Variants in ANTXR1 observed in about 807,000 individuals in gnomAD.
ANTXR1 encodes the protein ANTXR cell adhesion molecule 1.
In ANTXR1, 19 loss-of-function variants were observed where a neutral mutation model predicts 78.1. The ratio of observed to expected loss-of-function variants is 0.24; its 90% CI spans 0.17 to 0.36. The LOEUF is 0.36. ANTXR1 is among the 10% of genes least tolerant of loss of function. The probability of loss-of-function intolerance (pLI) is 1.00; values close to 1 mark genes in which losing one functional copy is unlikely to be tolerated. For missense variants in ANTXR1, 518 were observed against 718.6 expected, an observed-to-expected ratio of 0.72 and a Z score of 3.19; for synonymous variants, 273 against 260.5, an observed-to-expected ratio of 1.05 and a Z score of -0.46.
chr2:69,070,600 A>G, intron 3 of ANTXR1, 47 bp from the exon 4 acceptor site: 1 of 1,579,642 alleles, frequency 6.3e-7, no homozygotes, highest in Non-Finnish European at 8.7e-7. Flanking sequence ...ACAACAGCAA[A>G]GTAAAAAATA....
chr2:69,216,081 G>A (rs1675166612), intron 17 of ANTXR1, among the ~76,000 whole-genome samples: 1 of 152,224 alleles, frequency 6.6e-6, no homozygotes, highest in Non-Finnish European at 1.5e-5. Context: ...GGGAGACCGT[G>A]TGTGCCAGGA....
chr2:69,037,899 G>A (rs151264310), intron 1 of ANTXR1, among the ~76,000 whole-genome samples: 2,806 of 152,124 alleles, frequency 0.018, 29 homozygotes, highest in Middle Eastern at 0.048. Flanking sequence ...ACCCTGGCAC[G>A]CTCCTTCCAG....
chr2:69,172,542 A>G, intron 14 of ANTXR1: 1 of 1,396,812 alleles, frequency 7.2e-7, no homozygotes, highest in South Asian at 1.8e-5. Flanking sequence ...TTCAATAAAT[A>G]GCTATATGAA....
chr2:69,013,165 A>C, upstream of ANTXR1: 1 of 157,578 alleles, frequency 6.3e-6, no homozygotes, highest in Non-Finnish European at 1.3e-5. This position sits in a 1 kb window ranked among gnomAD's most constrained non-coding sequence, Gnocchi z 5.0. Flanking sequence ...AATCTGGGAC[A>C]AAGAACCGTC....
intron 8 of ANTXR1, among the ~76,000 whole-genome samples, chr2:69,089,459 G>A (rs1422045699): frequency 6.6e-6 from 1 of 152,058 alleles, no homozygotes; most frequent in Non-Finnish European, 1.5e-5. Flanking sequence ...TGTCCTTTTC[G>A]TTTGCTACTA....
At chr2:69,058,792 G>A (rs921679821) in intron 3 of ANTXR1, among the ~76,000 whole-genome samples, 1 of 152,212 alleles carries the variant, frequency 6.6e-6, no homozygotes, top group African/African-American at 2.4e-5. Flanking sequence ...CTTTGGGAAA[G>A]GATTCACCAT....
intron 17 of ANTXR1, among the ~76,000 whole-genome samples, chr2:69,213,453 T>C (rs563670672): frequency 2.6e-4 from 39 of 152,332 alleles, no homozygotes; most frequent in African/African-American, 9.4e-4. Flanking sequence ...AAAGCTATTT[T>C]CCTAAAGGGA....
intron 17 of ANTXR1, among the ~76,000 whole-genome samples, chr2:69,209,480 C>T (rs1674987024): frequency 6.6e-6 from 1 of 152,198 alleles, no homozygotes. Flanking sequence ...GTGCTAAACA[C>T]TAGTAAACAA....
At chr2:69,043,565 G>C (rs375988662) in intron 2 of ANTXR1, among the ~76,000 whole-genome samples, 2 of 152,102 alleles carry the variant, frequency 1.3e-5, no homozygotes, top group African/African-American at 4.8e-5. Flanking sequence ...AATTCACCAG[G>C]TATTGCCTGA....
In ANTXR1 at chr2:69,245,283, A is replaced by G. The variant is rs144831514; in HGVS notation, c.1493A>G (p.Asn498Ser). 9 of 1,613,290 alleles carry G rather than the reference A, an allele frequency of 5.6e-6. No individual in the cohort carries two copies. In the African/African-American group the frequency reaches 1.2e-4, roughly 22 times the overall value. ...AACCAGCCAGCCAAGTACCCACTCA[A>G]CAACGCCTACCACACCTCCTCGCCG... ...KNNQPAKYPL[N>S]NAYHTSSPPP... Residue 498 changes from asparagine (N) to serine (S), a missense_variant, in exon 18 of 18, where the codon AAC (asparagine) becomes AGC (serine). This residue lies in a region of ANTXR1 where 192 missense variants were observed against 230.2 expected (regional missense o/e 0.83). Transcript: ENST00000303714.
chr2:69,241,241 A>G (rs1675887234), intron 17 of ANTXR1, among the ~76,000 whole-genome samples: 1 of 152,188 alleles, frequency 6.6e-6, no homozygotes, highest in Non-Finnish European at 1.5e-5. Flanking sequence ...ACTGGTGCAG[A>G]TTTGCTGGCC....
At chr2:69,183,583 T>G (rs1270518207) in intron 16 of ANTXR1, among the ~76,000 whole-genome samples, 16 of 139,734 alleles carry the variant, frequency 1.1e-4, no homozygotes, top group Admixed American at 2.8e-4. Flanking sequence ...TGTTTTTTTT[T>G]TTTTTTTTTT....
intron 12 of ANTXR1, chr2:69,145,642 A>C: frequency 8.2e-7 from 1 of 1,226,988 alleles, no homozygotes. Context: ...CATCAGGCAG[A>C]ATCCTGGTGC....
intron 9 of ANTXR1, among the ~76,000 whole-genome samples, chr2:69,096,135 G>A (rs1375606552): frequency 6.6e-6 from 1 of 151,792 alleles, no homozygotes; most frequent in Non-Finnish European, 1.5e-5. Flanking sequence ...GCGGGCTCCT[G>A]TAGTCCCAGC....
rs747385019 is a variant in ANTXR1, at chr2:69,245,327, A to G, written c.1537A>G (p.Thr513Ala). The change falls in exon 18 of 18, where the codon ACT becomes GCT. Residue 513 changes from threonine to alanine, a missense_variant. Physicochemically the swap from Thr to Ala is moderately conservative, Grantham distance 58. Transcript: ENST00000303714. ...CTCGCCGCCTCCTGCCCCCATCTAC[A>G]CTCCCCCACCTCCTGCGCCCCACTG... ...TSSPPPAPIY[T>A]PPPPAPHCPP... 4 of 1,415,744 alleles carry G rather than the reference A, an allele frequency of 2.8e-6. No homozygotes were observed. In the Admixed American group the frequency reaches 8.2e-5, roughly 29 times the overall value. The allele number at this position is 1,415,744 out of a possible 1,614,324, so 87.7% of individuals were successfully genotyped here.
intron 3 of ANTXR1, among the ~76,000 whole-genome samples, chr2:69,052,118 A>T (rs1380841852): frequency 6.6e-6 from 1 of 152,084 alleles, no homozygotes; most frequent in Non-Finnish European, 1.5e-5. Flanking sequence ...TTTAAGAAAT[A>T]TTTGCATTGT....
intron 3 of ANTXR1, among the ~76,000 whole-genome samples, chr2:69,054,660 A>G (rs1480757674): frequency 6.6e-6 from 1 of 152,146 alleles, no homozygotes; most frequent in African/African-American, 2.4e-5. Flanking sequence ...TGGTTTTGCT[A>G]TTAGTGTCAC....
chr2:69,230,190 T>G (rs1368949685), intron 17 of ANTXR1, among the ~76,000 whole-genome samples: 1 of 152,110 alleles, frequency 6.6e-6, no homozygotes, highest in African/African-American at 2.4e-5. Flanking sequence ...TTTTTTGAAA[T>G]TTGTCAGAAC....
At chr2:69,172,021 A>G (rs1674000777) in intron 14 of ANTXR1, among the ~76,000 whole-genome samples, 1 of 152,182 alleles carries the variant, frequency 6.6e-6, no homozygotes, top group Non-Finnish European at 1.5e-5. Flanking sequence ...CTGTCACTCT[A>G]TCAAAGGGAT....
Sources: gnomAD v4.1 joint callset for allele counts (sites outside exome capture counted in the v4.1 genomes callset) on GRCh38, gnomAD v4.1.1 for gene constraint, gnomAD v4.1.1 regional missense constraint, Gnocchi (gnomAD v3.1) non-coding constraint, MANE v1.5 for transcripts, NCBI Gene and HGNC (gene_info 2026-07-23, HGNC 2026-07-21) for gene names.